The following PLAAT3 variants were observed in gnomAD, a reference collection of about 807,000 sequenced individuals.
PLAAT3 encodes the protein phospholipase A and acyltransferase 3.
Under a neutral mutation model 16.7 loss-of-function variants are expected in PLAAT3, and 21 were observed. The ratio of observed to expected loss-of-function variants is 1.26; its 90% CI spans 0.89 to 1.81. The LOEUF (loss-of-function observed/expected upper bound fraction) is 1.81, where lower values mean the gene tolerates loss of function less well. Ranked by LOEUF, PLAAT3 falls within the 40% of genes most tolerant of loss-of-function variation. The probability of loss-of-function intolerance (pLI) is 0.00; values close to 1 mark genes in which losing one functional copy is unlikely to be tolerated. For missense variants in PLAAT3, 219 were observed against 213.7 expected (o/e 1.02, Z -0.16); for synonymous variants, 76 against 81.7 (o/e 0.93, Z 0.38).
intron 2 of PLAAT3, among the ~76,000 whole-genome samples, chr11:63,602,177 C>T (rs1024781228): frequency 2.0e-5 from 3 of 151,708 alleles, no homozygotes; most frequent in Non-Finnish European, 2.9e-5. Context: ...GTAATACCAG[C>T]TACTTGGGAG....
chr11:63,606,351 C>G (rs1425951111), intron 2 of PLAAT3, among the ~76,000 whole-genome samples: 4 of 151,534 alleles, frequency 2.6e-5, no homozygotes, highest in Non-Finnish European at 4.4e-5. Flanking sequence ...GCTGGGAGGC[C>G]GAGGCGGGTG....
chr11:63,592,925 G>A (rs1018135197), intron 3 of PLAAT3, among the ~76,000 whole-genome samples: 3 of 152,202 alleles, frequency 2.0e-5, no homozygotes, highest in Admixed American at 6.5e-5. Context: ...CATGACTCCT[G>A]TGAAACTCAA....
chr11:63,605,784 C>T (rs1938542498), intron 2 of PLAAT3, among the ~76,000 whole-genome samples: 1 of 152,108 alleles, frequency 6.6e-6, no homozygotes, highest in South Asian at 2.1e-4. Context: ...GATCTCCTGA[C>T]CTCGTGATCC....
At chr11:63,576,465 ACAAAAATTAG>A (rs1431079983) in intron 4 of PLAAT3, among the ~76,000 whole-genome samples, 6 of 152,120 alleles carry the variant, frequency 3.9e-5, no homozygotes, top group Non-Finnish European at 8.8e-5. Flanking sequence ...TCTAAAAATC[ACAAAAATTAG>A]CCAGGCCTGG....
intron 2 of PLAAT3, among the ~76,000 whole-genome samples, chr11:63,599,257 CCA>C (rs1441188706): frequency 6.6e-6 from 1 of 152,202 alleles, no homozygotes; most frequent in Admixed American, 6.5e-5. Context: ...GAGTCTTCAG[CCA>C]CAGTCAGGGC....
rs567261865 is a variant in PLAAT3, at chr11:63,596,988, C to T, written c.118+1073G>A. On this transcript the variant is annotated intron_variant, in intron 3 of 4. Transcript: ENST00000415826. ...GCAGGTGCCTGTAATCCCAGCTACT[C>T]GGGAGGCTGAAATAGGAGAATCACT... 1.5e-4 allele frequency among the ~76,000 whole-genome samples: 22 copies of T among 151,524 alleles called. No individual in the cohort carries two copies. The East Asian group carries it at 1.6e-3, about 11-fold the overall frequency.
intron 3 of PLAAT3, among the ~76,000 whole-genome samples, chr11:63,596,165 C>CG (rs201992626): frequency 0.15 from 22,148 of 147,960 alleles, 1,732 homozygotes; most frequent in Middle Eastern, 0.22. Flanking sequence ...GGCGTGAACC[C>CG]GGAGGCAGAG....
rs543397953 is a variant in PLAAT3 at position 63,598,049 on chromosome 11, A to G, written c.118+12T>C. On this transcript the variant is annotated intron_variant, in intron 3 of 4. Coordinates refer to ENST00000415826, the MANE Select transcript of PLAAT3 (RefSeq NM_001128203.2). ...TGGGGCCCATCACAGTGGAGGTCCC[A>G]TGTGTTCTTACTTGGAGGGGCCAGA... 3.8e-6 allele frequency: 6 copies of G among 1,564,850 alleles called. No homozygotes were observed. The South Asian group carries it at 5.6e-5, about 14-fold the overall frequency.
chr11:63,612,536 A>T (rs1938719608), intron 2 of PLAAT3, among the ~76,000 whole-genome samples: 1 of 152,350 alleles, frequency 6.6e-6, no homozygotes. Context: ...TCTTCAATCA[A>T]CTGGGAGCAA....
At chr11:63,588,079 A>T (rs913567752) in intron 4 of PLAAT3, among the ~76,000 whole-genome samples, 2 of 151,106 alleles carry the variant, frequency 1.3e-5, no homozygotes, top group Admixed American at 6.6e-5. Context: ...AATAAAAAAA[A>T]TTTTTTTTGA....
intron 4 of PLAAT3, among the ~76,000 whole-genome samples, chr11:63,589,598 T>G (rs1348176227): frequency 1.3e-5 from 2 of 152,182 alleles, no homozygotes; most frequent in Non-Finnish European, 2.9e-5. Flanking sequence ...AAGACAGTGC[T>G]GTTTATAAGC....
intron 3 of PLAAT3, 40 bp downstream of exon 3, chr11:63,598,021 C>T: frequency 7.4e-7 from 1 of 1,357,696 alleles, no homozygotes; most frequent in Non-Finnish European, 1.1e-6. Flanking sequence ...TCTTCCCAGC[C>T]CCTGGGGCCC....
intron 4 of PLAAT3, among the ~76,000 whole-genome samples, chr11:63,582,253 T>G (rs1038512486): frequency 6.6e-6 from 1 of 151,998 alleles, no homozygotes; most frequent in African/African-American, 2.4e-5. Context: ...AACAGAAAAC[T>G]AAGAGATCAT....
At chr11:63,592,274 C>T (rs1938172014) in intron 3 of PLAAT3, among the ~76,000 whole-genome samples, 1 of 151,676 alleles carries the variant, frequency 6.6e-6, no homozygotes, top group Admixed American at 6.7e-5. Context: ...TCAAGCGATT[C>T]TCATGCCTCA....
At chr11:63,577,604 T>C (rs922144240) in intron 4 of PLAAT3, among the ~76,000 whole-genome samples, 1 of 151,710 alleles carries the variant, frequency 6.6e-6, no homozygotes, top group Non-Finnish European at 1.5e-5. Context: ...AAAGAAAACA[T>C]CCTTTTAACA....
intron 4 of PLAAT3, among the ~76,000 whole-genome samples, chr11:63,581,858 C>A (rs1467345969): frequency 6.6e-6 from 1 of 152,114 alleles, no homozygotes; most frequent in Non-Finnish European, 1.5e-5. Context: ...TAGAAAAGAA[C>A]CTATGTTGAA....
chr11:63,578,867 C>T (rs1937703933), intron 4 of PLAAT3, among the ~76,000 whole-genome samples: 2 of 151,548 alleles, frequency 1.3e-5, no homozygotes, highest in Admixed American at 1.3e-4. Flanking sequence ...CCAAAATTGA[C>T]AAATGGGATC....
chr11:63,579,888 A>G (rs539674677), intron 4 of PLAAT3, among the ~76,000 whole-genome samples: 101 of 150,812 alleles, frequency 6.7e-4, no homozygotes, highest in African/African-American at 1.2e-3. Context: ...AAAAAAAAAA[A>G]AAGAAGAAGA....
intron 2 of PLAAT3, among the ~76,000 whole-genome samples, chr11:63,603,747 CACACACAGACAG>C (rs769582694): frequency 2.7e-5 from 2 of 74,290 alleles, no homozygotes; most frequent in East Asian, 9.9e-4. Context: ...CACACACACA[CACACACAGACAG>C]AGATATTAGA....
Sources: allele counts gnomAD v4.1 joint callset (sites outside exome capture counted in the v4.1 genomes callset), GRCh38; gene constraint gnomAD v4.1.1; transcripts MANE v1.5; gene names NCBI Gene and HGNC (gene_info 2026-07-23, HGNC 2026-07-21).